The following SNTG1 variants were observed in gnomAD, a reference collection of about 807,000 sequenced individuals.
SNTG1 encodes gamma-1-syntrophin.
In SNTG1, 39 loss-of-function variants were observed where a neutral mutation model predicts 74.7. The ratio of observed to expected loss-of-function variants is 0.52; its 90% CI spans 0.40 to 0.68. The LOEUF (loss-of-function observed/expected upper bound fraction) is 0.68, where lower values mean the gene tolerates loss of function less well. SNTG1 is among the 30% of genes least tolerant of loss of function. SNTG1 has a pLI of 0.00. For missense variants in SNTG1, 685 were observed against 609.5 expected (o/e 1.12, Z -1.30); for synonymous variants, 254 against 217.1 (o/e 1.17, Z -1.49).
chr8:50,376,756 T>TATATATATAGAGAGAGAGAGAGAGAG (rs1381048539), intron 2 of SNTG1, among the ~76,000 whole-genome samples: 1 of 89,988 alleles, frequency 1.1e-5, no homozygotes, highest in Non-Finnish European at 2.2e-5. Context: ...TATATATATA[T>TATATATATAGAGAGAGAGAGAGAGAG]AGAGAGAGAG....
intron 15 of SNTG1, among the ~76,000 whole-genome samples, chr8:50,703,770 A>G (rs1485566573): frequency 6.6e-6 from 1 of 152,164 alleles, no homozygotes; most frequent in African/African-American, 2.4e-5. Flanking sequence ...TTGCTCTATG[A>G]CATTACAACG....
chr8:50,620,798 T>TAGAA (rs111814606), intron 13 of SNTG1, among the ~76,000 whole-genome samples: 6,543 of 152,280 alleles, frequency 0.043, 243 homozygotes, highest in African/African-American at 0.094. Context: ...GACTTCTAGA[T>TAGAA]AGAAGTCACC....
At chr8:50,117,684 T>C (rs923640774) in intron 1 of SNTG1, among the ~76,000 whole-genome samples, 1 of 152,196 alleles carries the variant, frequency 6.6e-6, no homozygotes, top group African/African-American at 2.4e-5. Flanking sequence ...TATATTTCAG[T>C]GAGTAGCGAA....
intron 4 of SNTG1, among the ~76,000 whole-genome samples, chr8:50,437,912 A>G (rs2093320827): frequency 6.6e-6 from 1 of 152,190 alleles, no homozygotes; most frequent in South Asian, 2.1e-4. Flanking sequence ...CAGTGATTGA[A>G]TTACTTCTAT....
At position 50,283,006 on chromosome 8, in the gene SNTG1, G is replaced by C. The variant is rs557451868; in HGVS notation, c.-28+110371G>C. ...TGGATGAATTGGGTAGTAAACAAAT[G>C]GTAAATGCTTCAACAATCGTTTTTA... On this transcript the variant is annotated intron_variant, in intron 2 of 18. Coordinates refer to ENST00000642720, the MANE Select transcript of SNTG1 (RefSeq NM_018967.5). 4.2e-4 allele frequency among the ~76,000 whole-genome samples: 64 copies of C among 152,170 alleles called. 1 individual carries two copies. Among genetic ancestry groups the C allele is most frequent in the Admixed American group, 9.2e-4 (14 of 15,282 alleles).
chr8:50,164,758 G>T (rs1331960964), intron 1 of SNTG1, among the ~76,000 whole-genome samples: 1 of 152,168 alleles, frequency 6.6e-6, no homozygotes, highest in Non-Finnish European at 1.5e-5. Flanking sequence ...TATGTTAACA[G>T]TTGGGAAACT....
chr8:50,219,425 G>T (rs1057080241), intron 2 of SNTG1, among the ~76,000 whole-genome samples: 15 of 152,156 alleles, frequency 9.9e-5, no homozygotes, highest in African/African-American at 3.6e-4. Context: ...ATAAACACCA[G>T]TGTTTTTGTC....
chr8:49,991,664 T>C lies in SNTG1; in HGVS notation c.-103+79433T>C, dbSNP rs182705248. Among the ~76,000 whole-genome samples the C allele has an allele frequency of 3.6e-3, 543 of 152,262 alleles. 3 individuals carry two copies. The highest frequency in any genetic ancestry group is 0.012 in the African/African-American group (517 of 41,534). On this transcript the variant is annotated intron_variant, in intron 1 of 18. Transcript: ENST00000642720. ...AATGATACATGCTGTATAACTGAGA[T>C]GAGCTTTGAAAACATTACGCTATTG...
intron 18 of SNTG1, among the ~76,000 whole-genome samples, chr8:50,774,633 TA>T (rs1237324615): frequency 6.6e-6 from 1 of 151,768 alleles, no homozygotes; most frequent in Non-Finnish European, 1.5e-5. Flanking sequence ...TTAGAAATAA[TA>T]AAAACACCAT....
intron 1 of SNTG1, among the ~76,000 whole-genome samples, chr8:49,975,093 T>A (rs1362543700): frequency 6.6e-6 from 1 of 152,162 alleles, no homozygotes; most frequent in Non-Finnish European, 1.5e-5. Flanking sequence ...AATGGGCGAA[T>A]CATGGCTCTC....
chr8:50,704,303 T>C (rs2095436140), intron 15 of SNTG1, among the ~76,000 whole-genome samples: 1 of 152,180 alleles, frequency 6.6e-6, no homozygotes, highest in African/African-American at 2.4e-5. Flanking sequence ...CACCCCTTTG[T>C]AGAGTAATAA....
intron 17 of SNTG1, among the ~76,000 whole-genome samples, chr8:50,745,600 G>C (rs2095553348): frequency 6.6e-6 from 1 of 151,936 alleles, no homozygotes; most frequent in South Asian, 2.1e-4. Flanking sequence ...ACAGATACTT[G>C]TACACCAATG....
chr8:50,125,220 TG>T lies in SNTG1; in HGVS notation c.-102-47339del, dbSNP rs552839072. 7.4e-4 allele frequency among the ~76,000 whole-genome samples: 105 copies of T among 142,488 alleles called. 13 individuals are homozygous for T. The highest frequency in any genetic ancestry group is 2.4e-3 in the African/African-American group (96 of 39,452). 93.5% of individuals were successfully genotyped at this position (142,488 alleles called of 152,430 possible). Reference sequence around the variant, plus strand: ...TTAACATCAGGAACTCAGTAATCAATGGCTCCTCTAAATGTGAAATTAAATC... The same window carrying T: ...TTAACATCAGGAACTCAGTAATCAATGCTCCTCTAAATGTGAAATTAAATC... On this transcript the variant is annotated intron_variant, in intron 1 of 18. Transcript: ENST00000642720.
At chr8:50,077,876 T>C (rs1190174302) in intron 1 of SNTG1, among the ~76,000 whole-genome samples, 1 of 152,174 alleles carries the variant, frequency 6.6e-6, no homozygotes, top group Non-Finnish European at 1.5e-5. Flanking sequence ...GTTTTATAGT[T>C]CCAACTCTTA....
chr8:50,203,936 G>T (rs996452523), intron 2 of SNTG1, among the ~76,000 whole-genome samples: 2 of 152,004 alleles, frequency 1.3e-5, no homozygotes, highest in Non-Finnish European at 2.9e-5. Context: ...CAACCTAAAA[G>T]TTATGTTGTT....
intron 1 of SNTG1, 132 bp from the exon 2 acceptor site, chr8:50,172,429 T>C (rs1586579136): frequency 1.3e-5 from 2 of 152,196 alleles, no homozygotes; most frequent in African/African-American, 4.8e-5. Context: ...TGTGGAAAAT[T>C]GTGTATGATT....
chr8:50,489,103 G>A (rs2093826021), intron 8 of SNTG1, among the ~76,000 whole-genome samples: 1 of 152,146 alleles, frequency 6.6e-6, no homozygotes, highest in Non-Finnish European at 1.5e-5. Context: ...CAAGGGATAT[G>A]AACTCATCCT....
At chr8:50,249,562 A>T (rs2086555695) in intron 2 of SNTG1, among the ~76,000 whole-genome samples, 1 of 152,210 alleles carries the variant, frequency 6.6e-6, no homozygotes, top group African/African-American at 2.4e-5. Flanking sequence ...CCAGGCAGTG[A>T]CCCTGACAAT....
intron 18 of SNTG1, among the ~76,000 whole-genome samples, chr8:50,791,902 A>T (rs2095691736): frequency 6.6e-6 from 1 of 151,812 alleles, no homozygotes; most frequent in African/African-American, 2.4e-5. Context: ...TTCTGAGCAT[A>T]GCTTTAAGAT....
Sources: gnomAD v4.1 joint callset for allele counts (sites outside exome capture counted in the v4.1 genomes callset) on GRCh38, gnomAD v4.1.1 for gene constraint, MANE v1.5 for transcripts, NCBI Gene and HGNC (gene_info 2026-07-23, HGNC 2026-07-21) for gene names.